Variants in NFAT5 observed in about 807,000 individuals in gnomAD.
NFAT5 encodes the protein nuclear factor of activated T-cells 5.
NFAT5 carries 31 observed loss-of-function variants against 166.5 expected under a neutral mutation model. The ratio of observed to expected loss-of-function variants is 0.19; its 90% CI spans 0.14 to 0.25. The LOEUF is 0.25. Ranked by LOEUF, NFAT5 falls within the 10% of genes least tolerant of loss-of-function variation. The pLI is 1.00. For synonymous variants in NFAT5, 612 were observed against 639.7 expected, an observed-to-expected ratio of 0.96 and a Z score of 0.65; for missense variants, 1,449 against 1,821.8, an observed-to-expected ratio of 0.80 and a Z score of 3.72.
Position 69,566,243 on chromosome 16 carries a change from C to T in NFAT5, c.-59C>T, listed in dbSNP as rs2016023457. ...GCCCGCGGTCCCGGAGAGGAGGTGCCGCCGCCACCGCCGCTCCCCCCCTCC... is the reference window on the plus strand; with the variant it reads ...GCCCGCGGTCCCGGAGAGGAGGTGCTGCCGCCACCGCCGCTCCCCCCCTCC... On this transcript the variant is annotated 5_prime_UTR_variant, in exon 1 of 15. Coordinates refer to ENST00000349945, the MANE Select transcript of NFAT5 (RefSeq NM_138713.4). The surrounding 1 kb of genome is among the most constrained non-coding windows in gnomAD (Gnocchi z 5.7). 3 of 1,512,954 alleles carry T rather than the reference C, an allele frequency of 2.0e-6. No homozygotes were observed. The highest frequency in any genetic ancestry group is 2.4e-5 in the East Asian group (1 of 41,970). 93.7% of individuals were successfully genotyped at this position (1,512,954 alleles called of 1,614,324 possible).
intron 6 of NFAT5, among the ~76,000 whole-genome samples, chr16:69,658,792 G>A (rs927331853): frequency 3.9e-5 from 6 of 151,940 alleles, no homozygotes; most frequent in East Asian, 1.9e-4. Context: ...GCGCCATTGC[G>A]CTCAGGCCTG....
intron 2 of NFAT5, among the ~76,000 whole-genome samples, chr16:69,620,949 T>G (rs2034169117): frequency 6.6e-6 from 1 of 152,268 alleles, no homozygotes; most frequent in South Asian, 2.1e-4. Context: ...ATACATTTTT[T>G]GGGTACTGTT....
chr16:69,572,317 T>C (rs2016489720), intron 2 of NFAT5, among the ~76,000 whole-genome samples: 1 of 152,190 alleles, frequency 6.6e-6, no homozygotes, highest in Admixed American at 6.6e-5. Flanking sequence ...TAAATAAAAA[T>C]TATGCTGTTA....
intron 3 of NFAT5, among the ~76,000 whole-genome samples, chr16:69,641,015 C>A (rs906346765): frequency 6.6e-6 from 1 of 150,954 alleles, no homozygotes; most frequent in African/African-American, 2.4e-5. Context: ...CACGGTGGCT[C>A]ACACCTGTAA....
In NFAT5 at chr16:69,568,504, A is replaced by G. The variant is rs767609743; in HGVS notation, c.83A>G (p.Lys28Arg). 2 of 1,612,972 alleles carry G rather than the reference A, an allele frequency of 1.2e-6. No individual in the cohort carries two copies. Among genetic ancestry groups the G allele is most frequent in the East Asian group, 2.2e-5 (1 of 44,818 alleles). Residue 28 changes from lysine to arginine, a missense_variant, in exon 2 of 15, where the codon AAG becomes AGG. Physicochemically the swap from Lys to Arg is conservative, Grantham distance 26 (BLOSUM62 2). Around this residue, in one of 7 missense-constraint regions of NFAT5, gnomAD observed 172 missense variants for 194.5 expected, o/e 0.88. Coordinates refer to ENST00000349945, the MANE Select transcript of NFAT5 (RefSeq NM_138713.4). ...PKSLYSRDSL[K>R]LHPSQNFHRA... ...TTTTTGTGTTTTTCAGATTCTCTGA[A>G]GTTACACCCATCACAGAATTTTCAT...
chr16:69,598,346 C>G (rs1183767317), intron 2 of NFAT5, among the ~76,000 whole-genome samples: 1 of 148,822 alleles, frequency 6.7e-6, no homozygotes, highest in Non-Finnish European at 1.5e-5. Flanking sequence ...CCACTGCACG[C>G]CAGCCTGGGT....
At chr16:69,626,621 G>A (rs1436436954) in intron 3 of NFAT5, 93 bp downstream of exon 3, 1 of 1,137,836 alleles carries the variant, frequency 8.8e-7, no homozygotes, top group Admixed American at 3.4e-5. Flanking sequence ...ACTAAAAAGA[G>A]TGTGATTTGA....
chr16:69,573,233 A>T (rs2016543434), intron 2 of NFAT5, among the ~76,000 whole-genome samples: 1 of 150,282 alleles, frequency 6.7e-6, no homozygotes, highest in South Asian at 2.1e-4. Context: ...ATAAACTATG[A>T]TTTTTTTTTT....
In NFAT5 at chr16:69,684,967, A is replaced by G. The variant is rs1178197549; in HGVS notation, c.1771A>G (p.Lys591Glu). The G allele has an allele frequency of 1.2e-6, 2 of 1,606,970 alleles. No individual in the cohort carries two copies. Among genetic ancestry groups the G allele is most frequent in the South Asian group, 1.1e-5 (1 of 90,016 alleles). The stretch of plus-strand genomic sequence containing the variant: ...ACCTTGCTCTTTTGAAGAGGCCATG[A>G]AAGGTACCAAGTAAATTCTTCTCAA... ...ARPCSFEEAMKAMKTTGCNLD... is the reference protein window; with the variant it reads ...ARPCSFEEAMEAMKTTGCNLD... The change falls in exon 11 of 15, where the codon AAA becomes GAA. Residue 591 changes from lysine (K) to glutamate (E), a missense_variant. Coordinates refer to ENST00000349945, the MANE Select transcript of NFAT5 (RefSeq NM_138713.4).
Position 69,693,384 on chromosome 16 carries a change from C to G in NFAT5, c.3559C>G (p.Pro1187Ala). The G allele has an allele frequency of 1.2e-6, 2 of 1,614,188 alleles. No homozygotes were observed. The highest frequency in any genetic ancestry group is 1.7e-6 in the Non-Finnish European group (2 of 1,180,034). Reference protein sequence around the residue: ...AFFAAPNSISPLQSTSNSEQQ... With the variant: ...AFFAAPNSISALQSTSNSEQQ... Reference sequence around the variant, plus strand: ...TTTTGCAGCACCGAACTCAATTTCTCCACTTCAGTCAACATCAAACAGTGA... The same window carrying G: ...TTTTGCAGCACCGAACTCAATTTCTGCACTTCAGTCAACATCAAACAGTGA... Residue 1187 changes from proline (P) to alanine (A), a missense_variant, in exon 13 of 15, where the codon CCA becomes GCA. Physicochemically the swap from Pro to Ala is conservative, Grantham distance 27. This residue lies in a region of NFAT5 where 891 missense variants were observed against 993.0 expected (regional missense o/e 0.90). Coordinates refer to ENST00000349945, the MANE Select transcript of NFAT5 (RefSeq NM_138713.4).
At chr16:69,655,474 A>G (rs1597479850) in intron 5 of NFAT5, 135 bp from the exon 6 acceptor site, 2 of 613,138 alleles carry the variant, frequency 3.3e-6, no homozygotes, top group Non-Finnish European at 4.9e-6. Flanking sequence ...TTTTATCTCT[A>G]TTTTTCTTGA....
intron 7 of NFAT5, among the ~76,000 whole-genome samples, chr16:69,667,282 C>T (rs537673904): frequency 7.3e-5 from 11 of 151,560 alleles, no homozygotes; most frequent in Admixed American, 2.0e-4. Flanking sequence ...TGTAACTAAC[C>T]TGCACATTGT....
At position 69,693,415 on chromosome 16, in the gene NFAT5, A is replaced by G; in HGVS notation, c.3590A>G (p.Gln1197Arg). 4.3e-6 allele frequency: 7 copies of G among 1,614,216 alleles called. No homozygotes were observed. The highest frequency in any genetic ancestry group is 5.9e-6 in the Non-Finnish European group (7 of 1,180,044). Residue 1197 changes from glutamine (Q) to arginine (R), a missense_variant, in exon 13 of 15, where the codon CAA (glutamine) becomes CGA (arginine). By Grantham distance (43) the Gln-to-Arg change is conservative. This residue lies in a region of NFAT5 where 891 missense variants were observed against 993.0 expected (regional missense o/e 0.90). Transcript: ENST00000349945. ...PLQSTSNSEQ[Q>R]AAFQQQAPIS... ...CAGTCAACATCAAACAGTGAACAAC[A>G]AGCTGCTTTCCAACAGCAAGCTCCA...
At chr16:69,577,288 T>A (rs908521257) in intron 2 of NFAT5, among the ~76,000 whole-genome samples, 3 of 152,180 alleles carry the variant, frequency 2.0e-5, no homozygotes, top group Non-Finnish European at 4.4e-5. Flanking sequence ...TGTGGTTTAG[T>A]CTCTTCTAAT....
chr16:69,658,221 G>T (rs905694474), intron 6 of NFAT5, among the ~76,000 whole-genome samples: 2 of 152,148 alleles, frequency 1.3e-5, no homozygotes, highest in African/African-American at 2.4e-5. Context: ...GCTGGCTCAT[G>T]CCTGTAATCC....
intron 3 of NFAT5, among the ~76,000 whole-genome samples, chr16:69,635,825 G>C (rs962449722): frequency 6.6e-6 from 1 of 152,014 alleles, no homozygotes; most frequent in African/African-American, 2.4e-5. Context: ...GATTTGGGTG[G>C]GGACACAGCC....
At chr16:69,655,488 T>C in intron 5 of NFAT5, 121 bp from the exon 6 acceptor site, 6 of 721,932 alleles carry the variant, frequency 8.3e-6, no homozygotes, top group Non-Finnish European at 1.2e-5. Flanking sequence ...TTCTTGAAGA[T>C]TTAAATTTTT....
intron 2 of NFAT5, among the ~76,000 whole-genome samples, chr16:69,575,411 G>A (rs1006645100): frequency 1.3e-5 from 2 of 151,994 alleles, no homozygotes; most frequent in African/African-American, 2.4e-5. Flanking sequence ...CAGGTGATCC[G>A]CCCGCCTCAG....
intron 2 of NFAT5, among the ~76,000 whole-genome samples, chr16:69,582,090 C>T (rs905951863): frequency 3.3e-5 from 5 of 152,078 alleles, no homozygotes; most frequent in African/African-American, 1.2e-4. Flanking sequence ...CATGGTGAAA[C>T]CCCGTCTCTG....
Sources: allele counts gnomAD v4.1 joint callset (sites outside exome capture counted in the v4.1 genomes callset), GRCh38; gene constraint gnomAD v4.1.1; regional missense constraint gnomAD v4.1.1; non-coding constraint Gnocchi (gnomAD v3.1); transcripts MANE v1.5; gene names NCBI Gene and HGNC (gene_info 2026-07-23, HGNC 2026-07-21).